Variants in FOCAD observed in about 807,000 individuals in gnomAD.
FOCAD encodes KIAA1797.
In FOCAD, 198 loss-of-function variants were observed where a neutral mutation model predicts 225.6. That is an observed-to-expected ratio of 0.88 (90% CI 0.78 to 0.99). The LOEUF is 0.99. Ranked by LOEUF, FOCAD falls within the 50% of genes least tolerant of loss-of-function variation. The pLI, the probability that FOCAD is intolerant of heterozygous loss-of-function variation, is 0.00. For synonymous variants in FOCAD, 897 were observed against 755.0 expected, an observed-to-expected ratio of 1.19 and a Z score of -3.08; for missense variants, 2,713 against 2,123.6, an observed-to-expected ratio of 1.28 and a Z score of -5.46.
chr9:20,706,686 A>G (rs545067578), intron 1 of FOCAD, among the ~76,000 whole-genome samples: 1 of 152,292 alleles, frequency 6.6e-6, no homozygotes, highest in South Asian at 2.1e-4. Flanking sequence ...TAGTGAAAAT[A>G]TGTAGGGAGG....
intron 28 of FOCAD, among the ~76,000 whole-genome samples, chr9:20,935,347 C>T (rs1835850088): frequency 6.6e-6 from 1 of 152,152 alleles, no homozygotes; most frequent in Non-Finnish European, 1.5e-5. Context: ...TCATACAAGG[C>T]ACATGTATGG....
At chr9:20,655,953 TC>T (rs1821469887), upstream of FOCAD, among the ~76,000 whole-genome samples, 1 of 152,132 alleles carries the variant, frequency 6.6e-6, no homozygotes, top group Non-Finnish European at 1.5e-5. Context: ...TTTGAATGTG[TC>T]CCAGAGATTC....
intron 2 of FOCAD, among the ~76,000 whole-genome samples, chr9:20,666,119 A>T (rs943674207): frequency 6.6e-6 from 1 of 152,106 alleles, no homozygotes; most frequent in African/African-American, 2.4e-5. Flanking sequence ...GTGGGAAAGG[A>T]TGGGTCAGAA....
chr9:20,926,255 G>T (rs1307741700), intron 25 of FOCAD, 46 bp from the exon 26 acceptor site: 5 of 1,125,144 alleles, frequency 4.4e-6, no homozygotes, highest in Non-Finnish European at 6.7e-6. Context: ...AATATCTTTA[G>T]ATTTGTTTTC....
chr9:20,842,387 C>G (rs1236363050), intron 15 of FOCAD, among the ~76,000 whole-genome samples: 2 of 151,856 alleles, frequency 1.3e-5, no homozygotes, highest in African/African-American at 4.8e-5. Flanking sequence ...CTCACTTTAG[C>G]TTTAATAATA....
chr9:20,990,187 C>G lies in FOCAD; in HGVS notation c.5069C>G (p.Pro1690Arg), dbSNP rs777890055. The change falls in exon 42 of 44, where the codon CCT becomes CGT. Residue 1690 changes from proline to arginine, a missense_variant. Coordinates refer to ENST00000338382, the MANE Select transcript of FOCAD (RefSeq NM_001375567.1). The part of the protein sequence containing the change: ...AVVAWADHTA[P>R]LLLGLSASWL... ...GTTGCATGGGCTGACCACACTGCCC[C>G]TCTCCTCCTCGGCCTCAGTGCCAGT... 1 of 1,614,204 alleles carries G rather than the reference C, an allele frequency of 6.2e-7. No individual in the cohort carries two copies. The highest frequency in any genetic ancestry group is 8.5e-7 in the Non-Finnish European group (1 of 1,180,014).
chr9:20,871,296 G>A (rs1236390026), intron 18 of FOCAD, among the ~76,000 whole-genome samples: 1 of 152,004 alleles, frequency 6.6e-6, no homozygotes, highest in Admixed American at 6.6e-5. Flanking sequence ...TTTGTTGGTG[G>A]GGTGTGTGTG....
chr9:20,754,606 C>T (rs936078720), intron 5 of FOCAD, among the ~76,000 whole-genome samples: 6 of 151,680 alleles, frequency 4.0e-5, no homozygotes, highest in African/African-American at 1.5e-4. Context: ...GATGTGCCTT[C>T]CATAGTGCTT....
chr9:20,961,251 G>A (rs12238115), intron 35 of FOCAD, among the ~76,000 whole-genome samples: 2 of 150,120 alleles, frequency 1.3e-5, no homozygotes, highest in Non-Finnish European at 3.0e-5. Flanking sequence ...AAATTCCTAT[G>A]TTATTTAACT....
intron 1 of FOCAD, among the ~76,000 whole-genome samples, chr9:20,701,681 G>A (rs1486008106): frequency 2.0e-5 from 3 of 152,188 alleles, no homozygotes; most frequent in Non-Finnish European, 4.4e-5. Flanking sequence ...AACATATACA[G>A]ATGTGGGAGA....
intron 19 of FOCAD, among the ~76,000 whole-genome samples, chr9:20,879,681 T>A (rs1321465950): frequency 1.3e-5 from 2 of 152,138 alleles, no homozygotes; most frequent in Non-Finnish European, 2.9e-5. Context: ...AAGAAAGAGA[T>A]TGGGGAAAGC....
chr9:20,866,917 T>TTTTTTTTTTTTTTTA lies in FOCAD; in HGVS notation c.2107-12_2107-11insTTTTTTTTTTTTTTA. The stretch of plus-strand genomic sequence containing the variant: ...TTTTTTTTTTTTTTTTTTTTTTTTT[T>TTTTTTTTTTTTTTTA]ACCCTATCTAGGACCCAATTGTAGC... On this transcript the variant is annotated splice_polypyrimidine_tract_variant and intron_variant, in intron 17 of 43. Transcript: ENST00000338382. The TTTTTTTTTTTTTTTA allele has an allele frequency of 2.6e-6, 2 of 764,970 alleles. No individual in the cohort carries two copies. Among genetic ancestry groups the TTTTTTTTTTTTTTTA allele is most frequent in the Non-Finnish European group, 4.0e-6 (2 of 498,466 alleles). The allele number at this position is 764,970 out of a possible 1,614,324, so 47.4% of individuals were successfully genotyped here.
At chr9:20,917,093 G>A (rs1833938232) in intron 24 of FOCAD, among the ~76,000 whole-genome samples, 156 bp downstream of exon 24, 1 of 151,834 alleles carries the variant, frequency 6.6e-6, no homozygotes, top group African/African-American at 2.4e-5. Flanking sequence ...CCTTCTTATA[G>A]TAGGTGAATT....
Position 20,817,268 on chromosome 9 carries a change from A to G in FOCAD, c.1456-2528A>G, listed in dbSNP as rs1362089671. The stretch of plus-strand genomic sequence containing the variant: ...TGTACAATTCAATGGCTTTTATTAT[A>G]TTTACAGAGTTTTGTAAACATTACT... On this transcript the variant is annotated intron_variant, in intron 11 of 43. Coordinates refer to ENST00000338382, the MANE Select transcript of FOCAD (RefSeq NM_001375567.1). Among the ~76,000 whole-genome samples, 3 of 152,112 alleles carry G rather than the reference A, an allele frequency of 2.0e-5. No homozygotes were observed. The East Asian group carries it at 5.8e-4, about 29-fold the overall frequency.
At position 20,815,123 on chromosome 9, in the gene FOCAD, G is replaced by GTGTTTTTTTTTTTTTTTTTTTTTTTTTTT. The variant is rs1564024181; in HGVS notation, c.1456-4672_1456-4671insGTTTTTTTTTTTTTTTTTTTTTTTTTTTT. Among the ~76,000 whole-genome samples, 41 of 85,386 alleles carry GTGTTTTTTTTTTTTTTTTTTTTTTTTTTT rather than the reference G, an allele frequency of 4.8e-4. 8 individuals are homozygous for GTGTTTTTTTTTTTTTTTTTTTTTTTTTTT. Among genetic ancestry groups the GTGTTTTTTTTTTTTTTTTTTTTTTTTTTT allele is most frequent in the Middle Eastern group, 0.017 (2 of 118 alleles). 56.0% of individuals were successfully genotyped at this position (85,386 alleles called of 152,430 possible). The stretch of plus-strand genomic sequence containing the variant: ...TCTGGAAATATCATTACTTCTCTTT[G>GTGTTTTTTTTTTTTTTTTTTTTTTTTTTT]TTTTTTTTTTTTTGTTTTTTTTTTT... On this transcript the variant is annotated intron_variant, in intron 11 of 43. Coordinates refer to ENST00000338382, the MANE Select transcript of FOCAD (RefSeq NM_001375567.1).
intron 39 of FOCAD, among the ~76,000 whole-genome samples, chr9:20,984,740 A>C (rs1464801420): frequency 1.3e-5 from 2 of 152,176 alleles, no homozygotes; most frequent in Non-Finnish European, 2.9e-5. Context: ...GTCTTTTCAC[A>C]TAATTACGGA....
chr9:20,720,231 A>T (rs749546104), intron 3 of FOCAD, 149 bp from the exon 4 acceptor site: 17 of 757,988 alleles, frequency 2.2e-5, no homozygotes, highest in Non-Finnish European at 3.4e-5. Flanking sequence ...ACTTCATTTT[A>T]TTCTAGGAAC....
chr9:20,879,119 C>T (rs1334435787), intron 19 of FOCAD, among the ~76,000 whole-genome samples: 2 of 152,166 alleles, frequency 1.3e-5, no homozygotes, highest in Non-Finnish European at 2.9e-5. Context: ...TACCAGGTTT[C>T]TAGGTATTCC....
intron 21 of FOCAD, among the ~76,000 whole-genome samples, chr9:20,898,002 G>T (rs776982893): frequency 8.6e-5 from 13 of 151,684 alleles, no homozygotes; most frequent in Non-Finnish European, 1.8e-4. Context: ...GGATCATTTT[G>T]TGGGGTACAG....
Sources: allele counts gnomAD v4.1 joint callset (sites outside exome capture counted in the v4.1 genomes callset), GRCh38; gene constraint gnomAD v4.1.1; transcripts MANE v1.5; gene names NCBI Gene and HGNC (gene_info 2026-07-23, HGNC 2026-07-21).